Variants in SEMA3E observed in about 807,000 individuals in gnomAD.
The protein encoded by SEMA3E is semaphorin-3E.
SEMA3E carries 49 observed loss-of-function variants against 93.6 expected under a neutral mutation model. The ratio of observed to expected loss-of-function variants is 0.52; its 90% CI spans 0.42 to 0.66. The LOEUF is 0.66. Ranked by LOEUF, SEMA3E falls within the 30% of genes least tolerant of loss-of-function variation. The pLI is 0.00. For missense variants in SEMA3E, 906 were observed against 964.8 expected (o/e 0.94, Z 0.81); for synonymous variants, 363 against 330.7 (o/e 1.10, Z -1.06).
chr7:83,630,412 A>T (rs193041959), intron 1 of SEMA3E, among the ~76,000 whole-genome samples: 26 of 152,322 alleles, frequency 1.7e-4, no homozygotes, highest in African/African-American at 5.1e-4. Flanking sequence ...TAATGTCTAT[A>T]AGTTAGAGGA....
intron 2 of SEMA3E, among the ~76,000 whole-genome samples, chr7:83,487,332 TA>T (rs1790280072): frequency 6.6e-6 from 1 of 152,262 alleles, no homozygotes; most frequent in East Asian, 1.9e-4. Flanking sequence ...AACCACTCCA[TA>T]AGAGTCACAT....
intron 4 of SEMA3E, among the ~76,000 whole-genome samples, chr7:83,420,579 C>G (rs938381077): frequency 2.6e-5 from 4 of 152,032 alleles, no homozygotes; most frequent in African/African-American, 9.7e-5. Context: ...AACTATAGTA[C>G]AAGACTACAG....
chr7:83,500,435 C>CA (rs1292731252), intron 1 of SEMA3E, among the ~76,000 whole-genome samples: 1 of 150,600 alleles, frequency 6.6e-6, no homozygotes, highest in East Asian at 2.0e-4. Context: ...GACTCCGTCT[C>CA]AAAAAAACAA....
intron 4 of SEMA3E, among the ~76,000 whole-genome samples, chr7:83,454,624 T>C (rs1365831564): frequency 6.6e-6 from 1 of 152,118 alleles, no homozygotes. Flanking sequence ...AAAAAAAAGT[T>C]AAGAAACAAA....
rs1789761217 is a variant in SEMA3E at position 83,466,555 on chromosome 7, GT to G, written c.382del (p.Thr128HisfsTer4). 6.2e-7 allele frequency: 1 copy of G among 1,613,848 alleles called. No individual in the cohort carries two copies. The highest frequency in any genetic ancestry group is 8.5e-7 in the Non-Finnish European group (1 of 1,179,978). On this transcript the variant is annotated frameshift_variant, in exon 4 of 17. Transcript: ENST00000643230. LOFTEE classifies it high-confidence loss of function. Reference sequence around the variant, plus strand: ...TCCAGTACCACAGGTCAGAAGGTGTGTCCTGTTATAGTGATGCAAAACCCGA... The same window carrying G: ...TCCAGTACCACAGGTCAGAAGGTGTGCCTGTTATAGTGATGCAAAACCCGA... ...YVRVLHHYNR[T>X]HLLTCGTGAF...
At chr7:83,535,777 A>G (rs1006256362) in intron 1 of SEMA3E, among the ~76,000 whole-genome samples, 1 of 152,204 alleles carries the variant, frequency 6.6e-6, no homozygotes, top group East Asian at 1.9e-4. Flanking sequence ...TCTTCACCAC[A>G]TGCTTAGAAA....
intron 4 of SEMA3E, among the ~76,000 whole-genome samples, chr7:83,444,683 T>C (rs1362007584): frequency 6.6e-6 from 1 of 151,550 alleles, no homozygotes; most frequent in Non-Finnish European, 1.5e-5. Context: ...ATTTTTTTTT[T>C]TTTTTGAGAT....
At chr7:83,541,178 T>C (rs73184548) in intron 1 of SEMA3E, among the ~76,000 whole-genome samples, 24,652 of 152,206 alleles carry the variant, frequency 0.16, 2,611 homozygotes, top group Middle Eastern at 0.3. Context: ...AGAATATAGA[T>C]GACTTTTCAC....
intron 1 of SEMA3E, among the ~76,000 whole-genome samples, chr7:83,493,985 A>C (rs930289730): frequency 2.0e-5 from 3 of 151,932 alleles, no homozygotes; most frequent in Admixed American, 2.0e-4. Context: ...TATTTTTGAA[A>C]AGATGTGAAT....
intron 1 of SEMA3E, among the ~76,000 whole-genome samples, chr7:83,521,958 G>A (rs1791059703): frequency 6.6e-6 from 1 of 152,074 alleles, no homozygotes; most frequent in Non-Finnish European, 1.5e-5. Flanking sequence ...CTAAAGTCAT[G>A]ATGCCAAGAT....
chr7:83,638,575 T>C (rs1481605399), intron 1 of SEMA3E, among the ~76,000 whole-genome samples: 1 of 152,162 alleles, frequency 6.6e-6, no homozygotes, highest in African/African-American at 2.4e-5. Flanking sequence ...TTATATTTAA[T>C]ACAAAAATAT....
intron 9 of SEMA3E, among the ~76,000 whole-genome samples, chr7:83,404,703 C>A (rs986997664): frequency 2.0e-5 from 3 of 151,800 alleles, no homozygotes; most frequent in African/African-American, 7.3e-5. Flanking sequence ...TAAACTTGAG[C>A]AGCAAATTTA....
intron 11 of SEMA3E, among the ~76,000 whole-genome samples, chr7:83,396,965 C>A (rs1326091971): frequency 6.6e-6 from 1 of 151,564 alleles, no homozygotes; most frequent in Non-Finnish European, 1.5e-5. Flanking sequence ...ACCTGTAATC[C>A]CAGCTACTTG....
intron 1 of SEMA3E, among the ~76,000 whole-genome samples, chr7:83,511,172 A>G (rs1425853089): frequency 2.6e-5 from 4 of 152,178 alleles, no homozygotes; most frequent in African/African-American, 4.8e-5. Context: ...CTAGCTATCT[A>G]AAAGACTTCC....
intron 1 of SEMA3E, among the ~76,000 whole-genome samples, chr7:83,519,863 A>C (rs1791008932): frequency 6.6e-6 from 1 of 152,138 alleles, no homozygotes; most frequent in Non-Finnish European, 1.5e-5. Context: ...CATGAGATGA[A>C]GAGGTTAAGT....
In SEMA3E at chr7:83,554,800, C is replaced by T. The variant is rs145814811; in HGVS notation, c.116-64526G>A. On this transcript the variant is annotated intron_variant, in intron 1 of 16. Transcript: ENST00000643230. ...GACCATCTTGGCTAACACGGTGAAA[C>T]CCCGTCTCTACTAAAAATAGGAAAA... Among the ~76,000 whole-genome samples, 762 of 152,038 alleles carry T rather than the reference C, an allele frequency of 5.0e-3. 4 individuals carry two copies. Among genetic ancestry groups the T allele is most frequent in the African/African-American group, 0.017 (701 of 41,474 alleles).
At chr7:83,394,386 A>T in intron 12 of SEMA3E, 48 bp from the exon 13 acceptor site, 1 of 1,474,380 alleles carries the variant, frequency 6.8e-7, no homozygotes, top group Non-Finnish European at 9.4e-7. Context: ...GTATAAAAAC[A>T]TTTACCTTAA....
chr7:83,370,264 C>T (rs944453617), intron 16 of SEMA3E, among the ~76,000 whole-genome samples: 2 of 152,034 alleles, frequency 1.3e-5, no homozygotes, highest in African/African-American at 2.4e-5. Flanking sequence ...ACATAAATAA[C>T]CCTTTAATAT....
At chr7:83,559,681 C>T (rs1005458298) in intron 1 of SEMA3E, among the ~76,000 whole-genome samples, 1 of 152,030 alleles carries the variant, frequency 6.6e-6, no homozygotes, top group Admixed American at 6.6e-5. Context: ...CAAAACTAAA[C>T]ACATTCTTAC....
Sources: allele counts gnomAD v4.1 joint callset (sites outside exome capture counted in the v4.1 genomes callset), GRCh38; gene constraint gnomAD v4.1.1; transcripts MANE v1.5; gene names NCBI Gene and HGNC (gene_info 2026-07-23, HGNC 2026-07-21).